The following TTC13 variants were observed in gnomAD, a reference collection of about 807,000 sequenced individuals.
TTC13 encodes tetratricopeptide repeat protein 13.
Under a neutral mutation model 120.0 loss-of-function variants are expected in TTC13, and 62 were observed. That is an observed-to-expected ratio of 0.52 (90% confidence interval 0.42 to 0.64). TTC13 has a LOEUF of 0.64. Ranked by LOEUF, TTC13 falls within the 30% of genes least tolerant of loss-of-function variation. The pLI is 0.00. For missense variants in TTC13, 824 were observed against 1,050.2 expected (o/e 0.78, Z 2.98); for synonymous variants, 384 against 393.5 (o/e 0.98, Z 0.28).
chr1:230,972,284 G>A (rs997462121), intron 1 of TTC13, among the ~76,000 whole-genome samples: 2 of 152,158 alleles, frequency 1.3e-5, no homozygotes, highest in African/African-American at 2.4e-5. Flanking sequence ...TATTGATTTC[G>A]GTTCTTTCTG....
At chr1:230,928,818 T>C (rs1240203414) in intron 12 of TTC13, 119 bp downstream of exon 12, 12 of 952,458 alleles carry the variant, frequency 1.3e-5, no homozygotes, top group African/African-American at 4.2e-5. Context: ...ATTGAACTCC[T>C]GGCCCCAGGC....
Position 230,912,707 on chromosome 1 carries a change from T to C in TTC13, c.2145A>G (p.Thr715=), listed in dbSNP as rs1335898631. The part of the protein sequence containing the change: ...SVETQTTEER[T]QLYHAEIDAL... Reference sequence around the variant, plus strand: ...CATCTATTTCAGCATGATATAATTGTGTCCTTTCTTCCGTGGTTTGAGTTT... The same window carrying C: ...CATCTATTTCAGCATGATATAATTGCGTCCTTTCTTCCGTGGTTTGAGTTT... The change falls in exon 19 of 23, where the codon ACA becomes ACG. Residue 715 remains threonine (T), a synonymous_variant. Coordinates refer to ENST00000366661, the MANE Select transcript of TTC13 (RefSeq NM_024525.5). 3.1e-6 allele frequency: 5 copies of C among 1,612,422 alleles called. No individual in the cohort carries two copies. In the South Asian group the frequency reaches 3.3e-5, roughly 11 times the overall value.
chr1:230,922,320 C>G (rs1271942135), intron 15 of TTC13, among the ~76,000 whole-genome samples: 1 of 152,158 alleles, frequency 6.6e-6, no homozygotes, highest in African/African-American at 2.4e-5. Context: ...TACCACACAG[C>G]TTTTGAGGCC....
At position 230,978,719 on chromosome 1, in the gene TTC13, C is replaced by A; in HGVS notation, c.112G>T (p.Gly38Trp). ...LLLLLGVLSA[G>W]LRPGALATEH... ...GTGGCCAGGGCGCCTGGCCGCAGCC[C>A]GGCGGACAGGACCCCCAGCAGCAGC... The change falls in exon 1 of 23, where the codon GGG (glycine) becomes TGG (tryptophan). Residue 38 changes from glycine (G) to tryptophan (W), a missense_variant. Transcript: ENST00000366661. The surrounding 1 kb of genome is among the most constrained non-coding windows in gnomAD (Gnocchi z 5.6). The A allele has an allele frequency of 6.7e-7, 1 of 1,494,974 alleles. No individual in the cohort carries two copies. The highest frequency in any genetic ancestry group is 8.8e-7 in the Non-Finnish European group (1 of 1,130,796). The allele number at this position is 1,494,974 out of a possible 1,614,324, so 92.6% of individuals were successfully genotyped here. A position where few individuals can be genotyped will look rare whatever the true frequency, so the allele number is the denominator to read the frequency against.
At chr1:230,907,480 T>G (rs531801288) in intron 22 of TTC13, among the ~76,000 whole-genome samples, 1 of 152,280 alleles carries the variant, frequency 6.6e-6, no homozygotes, top group East Asian at 1.9e-4. Context: ...CTGCAGGATG[T>G]AAGGTAGCAT....
rs76297536 is a variant in TTC13 at position 230,926,782 on chromosome 1, A to G, written c.1458-1135T>C. 1.2e-3 allele frequency among the ~76,000 whole-genome samples: 180 copies of G among 152,350 alleles called. 3 individuals carry two copies. In the East Asian group the frequency reaches 0.03, roughly 25 times the overall value. ...TTTGCTCATTTAATAGTTGAGACAC[A>G]TAGAAAACACGAAGTCAAATTACCC... is the stretch of plus-strand genomic sequence containing the variant. On this transcript the variant is annotated intron_variant, in intron 12 of 22. Transcript: ENST00000366661.
At chr1:230,930,744 C>G (rs180978944) in intron 11 of TTC13, among the ~76,000 whole-genome samples, 4 of 152,258 alleles carry the variant, frequency 2.6e-5, no homozygotes, top group Admixed American at 2.6e-4. Flanking sequence ...ATGGTGAAAC[C>G]CTGTCTCTAC....
chr1:230,948,646 C>T (rs1161739298), intron 4 of TTC13, among the ~76,000 whole-genome samples: 1 of 152,034 alleles, frequency 6.6e-6, no homozygotes. Context: ...CACGATCACA[C>T]CAGGCTAATT....
At chr1:230,939,673 C>T (rs1674375808) in intron 7 of TTC13, among the ~76,000 whole-genome samples, 177 bp from the exon 8 acceptor site, 1 of 152,266 alleles carries the variant, frequency 6.6e-6, no homozygotes, top group African/African-American at 2.4e-5. Flanking sequence ...CTCATTCAAA[C>T]AGTTGGGAGT....
rs929143931 is a variant in TTC13, at chr1:230,978,737, G to C, written c.94C>G (p.Leu32Val). The C allele has an allele frequency of 3.0e-5, 38 of 1,287,346 alleles. No individual in the cohort carries two copies. The highest frequency in any genetic ancestry group is 3.8e-5 in the Non-Finnish European group (37 of 969,642). 79.7% of individuals were successfully genotyped at this position (1,287,346 alleles called of 1,614,324 possible). ...AARRVLLLLL[L>V]GVLSAGLRPG... ...CGCAGCCCGGCGGACAGGACCCCCA[G>C]CAGCAGCAGCAGCAGGACACGCCGG... The change falls in exon 1 of 23, where the codon CTG (leucine) becomes GTG (valine). Residue 32 changes from leucine to valine, a missense_variant. Leu to Val is a conservative substitution (Grantham distance 32). This residue lies in a region of TTC13 where 160 missense variants were observed against 137.2 expected (regional missense o/e 1.17). Coordinates refer to ENST00000366661, the MANE Select transcript of TTC13 (RefSeq NM_024525.5). This position sits in a 1 kb window ranked among gnomAD's most constrained non-coding sequence, Gnocchi z 5.6.
intron 5 of TTC13, 34 bp from the exon 6 acceptor site, chr1:230,943,932 TGTTACTCA>T: frequency 1.3e-6 from 2 of 1,511,366 alleles, no homozygotes; most frequent in Non-Finnish European, 1.8e-6. Flanking sequence ...TGAGACATAC[TGTTACTCA>T]AAACCAGGCT....
Position 230,939,442 on chromosome 1 carries a change from G to T in TTC13, c.844C>A (p.Gln282Lys), listed in dbSNP as rs1431538587. The change falls in exon 8 of 23, where the codon CAG becomes AAG. Residue 282 changes from glutamine (Q) to lysine (K), a missense_variant. Coordinates refer to ENST00000366661, the MANE Select transcript of TTC13 (RefSeq NM_024525.5). ...FQQSLELNKN[Q>K]PIAMLYKGLT... ...CCTTTGTATAGCATAGCTATAGGCT[G>T]GTTTTTGTTCAGTTCTAAGGACTGC... 2 of 1,612,970 alleles carry T rather than the reference G, an allele frequency of 1.2e-6. No individual in the cohort carries two copies. Among genetic ancestry groups the T allele is most frequent in the South Asian group, 2.2e-5 (2 of 90,932 alleles).
At position 230,940,844 on chromosome 1, in the gene TTC13, A is replaced by AT. The variant is rs1016606248; in HGVS notation, c.673-289dup. Among the ~76,000 whole-genome samples the AT allele has an allele frequency of 1.3e-5, 2 of 152,018 alleles. No individual in the cohort carries two copies. The highest frequency in any genetic ancestry group is 6.5e-5 in the Admixed American group (1 of 15,268). On this transcript the variant is annotated intron_variant, in intron 6 of 22. Transcript: ENST00000366661. This position sits in a 1 kb window ranked among gnomAD's most constrained non-coding sequence, Gnocchi z 4.1. ...CAGATGTTGCTTTTCCTGCAATGTG[A>AT]TTTTTTTTCTTGATTTTATCTTTTA...
chr1:230,971,200 G>A (rs1215991244), intron 1 of TTC13, among the ~76,000 whole-genome samples: 1 of 151,166 alleles, frequency 6.6e-6, no homozygotes, highest in Non-Finnish European at 1.5e-5. Context: ...AAAAAAATTA[G>A]CCGGGCGTGG....
intron 20 of TTC13, 25 bp from the exon 21 acceptor site, chr1:230,909,045 A>G (rs1671229969): frequency 6.2e-7 from 1 of 1,602,124 alleles, no homozygotes; most frequent in Non-Finnish European, 8.6e-7. Flanking sequence ...AACAAAGGTC[A>G]ATCCATCCTG....
chr1:230,954,793 T>G (rs887288239), intron 3 of TTC13, among the ~76,000 whole-genome samples: 4 of 152,230 alleles, frequency 2.6e-5, no homozygotes, highest in Non-Finnish European at 5.9e-5. Flanking sequence ...GTGAATGTTA[T>G]GAGAAATACC....
At chr1:230,914,794 G>A (rs1408961578) in intron 18 of TTC13, among the ~76,000 whole-genome samples, 1 of 152,070 alleles carries the variant, frequency 6.6e-6, no homozygotes, top group Non-Finnish European at 1.5e-5. Context: ...AGCTGTTTAT[G>A]TTTTTGGTAA....
intron 6 of TTC13, among the ~76,000 whole-genome samples, chr1:230,941,859 A>G (rs1674560192): frequency 6.6e-6 from 1 of 152,184 alleles, no homozygotes. Context: ...ATCATACCCC[A>G]GCACAACAAT....
At chr1:230,907,548 T>C (rs547927816) in intron 22 of TTC13, among the ~76,000 whole-genome samples, 1 of 152,362 alleles carries the variant, frequency 6.6e-6, no homozygotes, top group South Asian at 2.1e-4. Flanking sequence ...TATGTAAGAA[T>C]AGAAGCAAGA....
Sources: gnomAD v4.1 joint callset for allele counts (sites outside exome capture counted in the v4.1 genomes callset) on GRCh38, gnomAD v4.1.1 for gene constraint, gnomAD v4.1.1 regional missense constraint, Gnocchi (gnomAD v3.1) non-coding constraint, MANE v1.5 for transcripts, NCBI Gene and HGNC (gene_info 2026-07-23, HGNC 2026-07-21) for gene names.